Variants in TMIGD3 observed in about 807,000 individuals in gnomAD.
TMIGD3 encodes transmembrane and immunoglobulin domain containing 3.
TMIGD3 carries 21 observed loss-of-function variants against 28.1 expected under a neutral mutation model. That is an observed-to-expected ratio of 0.75 (90% CI 0.53 to 1.08). The LOEUF is 1.08. Among genes scored for constraint, TMIGD3 ranks in the 50% least tolerant of loss-of-function variants. The probability of loss-of-function intolerance (pLI) is 0.00; values close to 1 mark genes in which losing one functional copy is unlikely to be tolerated. For missense variants in TMIGD3, 416 were observed against 435.6 expected, an observed-to-expected ratio of 0.96 and a Z score of 0.40; for synonymous variants, 151 against 162.1, an observed-to-expected ratio of 0.93 and a Z score of 0.52.
intron 1 of TMIGD3, among the ~76,000 whole-genome samples, chr1:111,536,008 T>C (rs1193258529): frequency 6.6e-6 from 1 of 152,082 alleles, no homozygotes; most frequent in East Asian, 1.9e-4. Context: ...CTCCCTTCTC[T>C]TCAACTCTGC....
intron 1 of TMIGD3, among the ~76,000 whole-genome samples, chr1:111,545,988 C>T (rs182723967): frequency 6.6e-6 from 1 of 152,252 alleles, no homozygotes; most frequent in African/African-American, 2.4e-5. Flanking sequence ...TATGTCTAGC[C>T]TTATGCGAGT....
intron 1 of TMIGD3, chr1:111,500,126 G>A: frequency 6.2e-7 from 1 of 1,614,186 alleles, no homozygotes; most frequent in Non-Finnish European, 8.5e-7. Flanking sequence ...AGCACAAGCT[G>A]TGGTACCTCA....
intron 1 of TMIGD3, among the ~76,000 whole-genome samples, chr1:111,495,916 A>G (rs945792434): frequency 6.6e-6 from 1 of 152,248 alleles, no homozygotes; most frequent in Admixed American, 6.5e-5. Flanking sequence ...AAAAAAACAA[A>G]TATTGCATGT....
rs1176120747 is a variant in TMIGD3 at position 111,503,080 on chromosome 1, A to C, written c.275T>G (p.Ile92Ser). ...SCLFMTCLLL[I>S]FTHASIMSLL... Reference sequence around the variant, plus strand: ...GGACATGATGGAGGCGTGGGTAAAGATAAGCAGTAGGCAAGTCATAAAAAG... The same window carrying C: ...GGACATGATGGAGGCGTGGGTAAAGCTAAGCAGTAGGCAAGTCATAAAAAG... The change falls in exon 1 of 6, where the codon ATC (isoleucine) becomes AGC (serine). Residue 92 changes from isoleucine (I) to serine (S), a missense_variant. Coordinates refer to ENST00000369716, the MANE Select transcript of TMIGD3 (RefSeq NM_020683.7). 6.2e-7 allele frequency: 1 copy of C among 1,614,198 alleles called. No homozygotes were observed. Among genetic ancestry groups the C allele is most frequent in the Admixed American group, 1.7e-5 (1 of 60,028 alleles).
At chr1:111,548,762 G>A (rs532102769) in intron 1 of TMIGD3, among the ~76,000 whole-genome samples, 1 of 152,180 alleles carries the variant, frequency 6.6e-6, no homozygotes, top group African/African-American at 2.4e-5. Flanking sequence ...TTTCTTTGGG[G>A]CGTTGTCCCC....
intron 1 of TMIGD3, among the ~76,000 whole-genome samples, chr1:111,543,316 C>T (rs1171660956): frequency 1.3e-5 from 2 of 151,918 alleles, no homozygotes; most frequent in African/African-American, 4.8e-5. Context: ...AGAGAAGAAC[C>T]TGATTTTGAA....
chr1:111,553,957 C>A (rs189021320), intron 1 of TMIGD3, among the ~76,000 whole-genome samples: 58 of 152,310 alleles, frequency 3.8e-4, no homozygotes, highest in Admixed American at 1.7e-3. Context: ...TATGGGCATG[C>A]ATTGCTTCCC....
intron 1 of TMIGD3, among the ~76,000 whole-genome samples, chr1:111,538,085 A>G (rs1168447373): frequency 1.3e-5 from 2 of 152,202 alleles, no homozygotes; most frequent in African/African-American, 4.8e-5. Context: ...CAGAAAACTG[A>G]GCATATCAGG....
At chr1:111,503,699 T>G, upstream of TMIGD3, 1 of 1,055,378 alleles carries the variant, frequency 9.5e-7, no homozygotes, top group African/African-American at 1.6e-5. Context: ...GCCTGCAGCT[T>G]TTTGGCTTTT....
chr1:111,500,124 C>A, intron 1 of TMIGD3: 1 of 1,614,146 alleles, frequency 6.2e-7, no homozygotes, highest in Non-Finnish European at 8.5e-7. Context: ...ACAGCACAAG[C>A]TGTGGTACCT....
At chr1:111,489,443 C>T (rs1557816289) in intron 2 of TMIGD3, 3 of 576,626 alleles carry the variant, frequency 5.2e-6, no homozygotes, top group African/African-American at 2.1e-5. Context: ...CCAAACTTGC[C>T]AAATGCCTCG....
intron 1 of TMIGD3, among the ~76,000 whole-genome samples, chr1:111,508,648 C>T (rs1446803645): frequency 2.0e-5 from 3 of 152,220 alleles, no homozygotes; most frequent in African/African-American, 7.2e-5. Flanking sequence ...TGAGAAGCAG[C>T]TTTGCCTTTC....
At chr1:111,558,071 C>A (rs1657575358) in intron 1 of TMIGD3, among the ~76,000 whole-genome samples, 1 of 151,914 alleles carries the variant, frequency 6.6e-6, no homozygotes, top group African/African-American at 2.4e-5. Flanking sequence ...ACAGAAAAAG[C>A]AGAAGAAATA....
intron 1 of TMIGD3, among the ~76,000 whole-genome samples, chr1:111,530,037 C>G (rs191963197): frequency 0.12 from 17,677 of 145,580 alleles, 1,337 homozygotes; most frequent in African/African-American, 0.16. Context: ...GGCGGCTGGC[C>G]GGGCAGAGGG....
At chr1:111,537,216 G>A (rs1333594476) in intron 1 of TMIGD3, among the ~76,000 whole-genome samples, 2 of 152,132 alleles carry the variant, frequency 1.3e-5, no homozygotes, top group African/African-American at 4.8e-5. Flanking sequence ...TCCTCCCAGG[G>A]CACTCACTTC....
rs1656526430 is a variant in TMIGD3, at chr1:111,533,641, C to T, written c.107+30205G>A. Among the ~76,000 whole-genome samples, 8 of 152,316 alleles carry T rather than the reference C, an allele frequency of 5.3e-5. No individual in the cohort carries two copies. In the South Asian group the frequency reaches 1.7e-3, roughly 32 times the overall value. ...TGATCTAGGCTCACTGTAGCCTCCACTCCCTAGGCTCAAGTGATACTCTTG... is the reference window on the plus strand; with the variant it reads ...TGATCTAGGCTCACTGTAGCCTCCATTCCCTAGGCTCAAGTGATACTCTTG... On this transcript the variant is annotated intron_variant, in intron 1 of 5. Transcript: ENST00000369717.
In TMIGD3 at chr1:111,517,392, C is replaced by T. The variant is rs148127983; in HGVS notation, c.108-26630G>A. 1.5e-4 allele frequency among the ~76,000 whole-genome samples: 22 copies of T among 151,656 alleles called. No homozygotes were observed. In the East Asian group the frequency reaches 4.1e-3, roughly 28 times the overall value. ...AATTGCATCCTGCTGTCTAGATTGCCTGTCACTCTCTTCTCTACATACCCC... is the reference window on the plus strand; with the variant it reads ...AATTGCATCCTGCTGTCTAGATTGCTTGTCACTCTCTTCTCTACATACCCC... On this transcript the variant is annotated intron_variant, in intron 1 of 5. Coordinates refer to the TMIGD3 transcript ENST00000369717.
At chr1:111,529,540 G>A (rs1176197657) in intron 1 of TMIGD3, among the ~76,000 whole-genome samples, 2 of 148,898 alleles carry the variant, frequency 1.3e-5, no homozygotes, top group African/African-American at 2.5e-5. Context: ...TGTGTCCCTG[G>A]GTACTTGAGA....
At chr1:111,550,288 A>C (rs1657208145) in intron 1 of TMIGD3, among the ~76,000 whole-genome samples, 1 of 152,116 alleles carries the variant, frequency 6.6e-6, no homozygotes, top group Non-Finnish European at 1.5e-5. Context: ...TTCTGGCTTC[A>C]TTGATTTTCT....
Sources: allele counts gnomAD v4.1 joint callset (sites outside exome capture counted in the v4.1 genomes callset), GRCh38; gene constraint gnomAD v4.1.1; transcripts MANE v1.5; gene names NCBI Gene and HGNC (gene_info 2026-07-23, HGNC 2026-07-21).